The following OSBPL11 variants were observed in gnomAD, a reference collection of about 807,000 sequenced individuals.
OSBPL11 encodes the protein oxysterol binding protein like 11.
Under a neutral mutation model 84.4 loss-of-function variants are expected in OSBPL11, and 33 were observed. The observed-to-expected ratio is 0.39, with a 90% CI of 0.30 to 0.52. OSBPL11 has a LOEUF of 0.52. Among genes scored for constraint, OSBPL11 ranks in the 20% least tolerant of loss-of-function variants. The pLI, the probability that OSBPL11 is intolerant of heterozygous loss-of-function variation, is 0.72. For synonymous variants in OSBPL11, 276 were observed against 310.2 expected, an observed-to-expected ratio of 0.89 and a Z score of 1.16; for missense variants, 736 against 901.1, an observed-to-expected ratio of 0.82 and a Z score of 2.35.
At chr3:125,549,994 G>A (rs1177707085) in intron 9 of OSBPL11, among the ~76,000 whole-genome samples, 1 of 151,964 alleles carries the variant, frequency 6.6e-6, no homozygotes, top group African/African-American at 2.4e-5. Flanking sequence ...TATAAAATAA[G>A]CAAGTTGATC....
At position 125,552,240 on chromosome 3, in the gene OSBPL11, T is replaced by C. The variant is rs777015706; in HGVS notation, c.1595A>G (p.His532Arg). 7 of 1,613,788 alleles carry C rather than the reference T, an allele frequency of 4.3e-6. No homozygotes were observed. The highest frequency in any genetic ancestry group is 3.4e-6 in the Non-Finnish European group (4 of 1,179,970). Reference protein sequence around the residue: ...CTERKMCVNAHVWTKSKFLGM... With the variant: ...CTERKMCVNARVWTKSKFLGM... ...TAAGAACTTGCTCTTAGTCCAGACA[T>C]GCGCATTTACACACATCTTCCTCTC... Residue 532 changes from histidine (H) to arginine (R), a missense_variant, in exon 9 of 13, where the codon CAT becomes CGT. Physicochemically the swap from His to Arg is conservative, Grantham distance 29 (BLOSUM62 0). This residue lies in a region of OSBPL11 where 579 missense variants were observed against 717.6 expected (regional missense o/e 0.81). Transcript: ENST00000296220.
At chr3:125,531,777 G>A (rs1935559417) in intron 12 of OSBPL11, 84 bp downstream of exon 12, 1 of 1,308,086 alleles carries the variant, frequency 7.6e-7, no homozygotes, top group Non-Finnish European at 1.0e-6. Context: ...AGATGTATAA[G>A]TGATAGCAAT....
intron 10 of OSBPL11, among the ~76,000 whole-genome samples, chr3:125,539,083 G>A (rs1935683925): frequency 6.6e-6 from 1 of 150,876 alleles, no homozygotes; most frequent in African/African-American, 2.4e-5. Context: ...CATCAATCCC[G>A]TACTAAACCA....
chr3:125,576,210 G>T lies in OSBPL11; in HGVS notation c.645C>A (p.Asp215Glu). 1 of 1,607,854 alleles carries T rather than the reference G, an allele frequency of 6.2e-7. No homozygotes were observed. The highest frequency in any genetic ancestry group is 2.2e-5 in the East Asian group (1 of 44,504). ...SLSKRTNLPP[D>E]HLVEVREMMS... ...TTACTTCTCTGACTTCCACAAGATG[G>T]TCTGGAGGTAAATTAGTTCTTTTGC... Residue 215 changes from aspartate to glutamate, a missense_variant, in exon 5 of 13, where the codon GAC becomes GAA. Asp to Glu is a conservative substitution (Grantham distance 45). This residue lies in a region of OSBPL11 where 579 missense variants were observed against 717.6 expected (regional missense o/e 0.81). Transcript: ENST00000296220.
intron 10 of OSBPL11, among the ~76,000 whole-genome samples, chr3:125,543,124 A>ATTTTTTTT (rs60571172): frequency 3.0e-5 from 3 of 99,288 alleles, no homozygotes; most frequent in Non-Finnish European, 5.6e-5. Context: ...GGCTAGTAAG[A>ATTTTTTTT]TTTTTTTTTT....
At chr3:125,585,929 CCTAT>C (rs1228945849) in intron 1 of OSBPL11, among the ~76,000 whole-genome samples, 7 of 152,050 alleles carry the variant, frequency 4.6e-5, no homozygotes, top group African/African-American at 1.7e-4. Context: ...ATGCTTTATT[CCTAT>C]CTAAAATGTG....
intron 5 of OSBPL11, among the ~76,000 whole-genome samples, chr3:125,574,586 G>T (rs561979951): frequency 1.1e-4 from 17 of 150,740 alleles, no homozygotes; most frequent in African/African-American, 3.2e-4. Flanking sequence ...ATTTTCTCAA[G>T]ATTGAATAAA....
intron 1 of OSBPL11, among the ~76,000 whole-genome samples, chr3:125,587,665 T>G (rs1936534900): frequency 6.6e-6 from 1 of 152,170 alleles, no homozygotes; most frequent in African/African-American, 2.4e-5. Context: ...TCAAGAATAT[T>G]CAGTGGGCAG....
chr3:125,564,698 A>G (rs1936130264), intron 6 of OSBPL11, among the ~76,000 whole-genome samples: 1 of 149,040 alleles, frequency 6.7e-6, no homozygotes. Context: ...TCTATTGCCC[A>G]TGCTGGAGTG....
intron 1 of OSBPL11, among the ~76,000 whole-genome samples, chr3:125,583,921 T>G (rs545190700): frequency 4.6e-4 from 70 of 152,268 alleles, no homozygotes; most frequent in African/African-American, 1.6e-3. Flanking sequence ...CTATATTTTT[T>G]GTTTGGCTCC....
chr3:125,530,994 TCC>T (rs397874725), intron 12 of OSBPL11, among the ~76,000 whole-genome samples: 1 of 151,216 alleles, frequency 6.6e-6, no homozygotes, highest in Non-Finnish European at 1.5e-5. Flanking sequence ...CTTTTTTTTT[TCC>T]CCCAAGACGG....
intron 1 of OSBPL11, among the ~76,000 whole-genome samples, chr3:125,589,351 AAAAAAAAAAC>A (rs1936563335): frequency 1.3e-5 from 2 of 151,710 alleles, no homozygotes; most frequent in African/African-American, 4.8e-5. Context: ...TCAAAAAAAA[AAAAAAAAAAC>A]AAAACAGAAA....
intron 11 of OSBPL11, among the ~76,000 whole-genome samples, chr3:125,535,601 G>A (rs377460408): frequency 7.3e-5 from 11 of 151,384 alleles, no homozygotes; most frequent in Middle Eastern, 3.4e-3. Context: ...ACGCCACCAC[G>A]CCAGGTGATT....
chr3:125,550,288 T>C (rs986527169), intron 9 of OSBPL11, among the ~76,000 whole-genome samples: 5 of 151,314 alleles, frequency 3.3e-5, no homozygotes, highest in Admixed American at 6.6e-5. Context: ...GGTGGGAGGA[T>C]GGCCTGAGCC....
intron 8 of OSBPL11, among the ~76,000 whole-genome samples, chr3:125,555,242 C>G (rs1190461724): frequency 6.6e-6 from 1 of 152,208 alleles, no homozygotes; most frequent in African/African-American, 2.4e-5. Flanking sequence ...CCTTCAACCA[C>G]AGACTGAAAG....
At chr3:125,562,696 G>A (rs1342992101) in intron 7 of OSBPL11, among the ~76,000 whole-genome samples, 3 of 152,174 alleles carry the variant, frequency 2.0e-5, no homozygotes, top group African/African-American at 4.8e-5. Context: ...GGAGGCTGAG[G>A]TGGGTAGATC....
chr3:125,553,644 T>C (rs567240588), intron 8 of OSBPL11, among the ~76,000 whole-genome samples: 1 of 152,150 alleles, frequency 6.6e-6, no homozygotes, highest in African/African-American at 2.4e-5. Flanking sequence ...AAATAAATAA[T>C]TGAATGAAGG....
chr3:125,567,636 T>A, intron 5 of OSBPL11, 41 bp from the exon 6 acceptor site: 1 of 1,489,712 alleles, frequency 6.7e-7, no homozygotes, highest in Non-Finnish European at 9.3e-7. Flanking sequence ...TCATGATTTC[T>A]GTAAAACATG....
At chr3:125,588,218 T>C (rs4422256) in intron 1 of OSBPL11, among the ~76,000 whole-genome samples, 9,194 of 132,140 alleles carry the variant, frequency 0.07, 374 homozygotes, top group African/African-American at 0.13. Context: ...TAAGACCCTG[T>C]CTCAAAAAAA....
Sources: gnomAD v4.1 joint callset for allele counts (sites outside exome capture counted in the v4.1 genomes callset) on GRCh38, gnomAD v4.1.1 for gene constraint, gnomAD v4.1.1 regional missense constraint, MANE v1.5 for transcripts, NCBI Gene and HGNC (gene_info 2026-07-23, HGNC 2026-07-21) for gene names.